UBR3: variants seen among roughly 807,000 people sequenced by gnomAD.
UBR3 encodes the protein E3 ubiquitin-protein ligase UBR3.
UBR3 carries 85 observed loss-of-function variants against 243.2 expected under a neutral mutation model. The ratio of observed to expected loss-of-function variants is 0.35; its 90% CI spans 0.29 to 0.42. UBR3 has a LOEUF of 0.42. Among genes scored for constraint, UBR3 ranks in the 10% least tolerant of loss-of-function variants. UBR3 has a pLI of 1.00. For missense variants in UBR3, 1,686 were observed against 2,300.8 expected (o/e 0.73, Z 5.47); for synonymous variants, 748 against 799.8 (o/e 0.94, Z 1.09).
At chr2:169,880,541 T>C (rs1348535780) in intron 5 of UBR3, among the ~76,000 whole-genome samples, 1 of 152,186 alleles carries the variant, frequency 6.6e-6, no homozygotes, top group Non-Finnish European at 1.5e-5. Context: ...AGACTTTCAT[T>C]GTACACAACT....
chr2:169,865,431 A>T (rs190634727), intron 1 of UBR3, among the ~76,000 whole-genome samples: 21 of 152,168 alleles, frequency 1.4e-4, no homozygotes, highest in African/African-American at 4.6e-4. Flanking sequence ...CCAGAGTTTG[A>T]TTTTTTTACT....
chr2:169,973,889 G>T (rs1024963206), intron 24 of UBR3, among the ~76,000 whole-genome samples: 1 of 152,074 alleles, frequency 6.6e-6, no homozygotes, highest in Non-Finnish European at 1.5e-5. Flanking sequence ...CTAGTTTGTT[G>T]AGGGTTATCA....
At chr2:170,080,952 G>T (rs187827797) in intron 38 of UBR3, among the ~76,000 whole-genome samples, 62 of 152,236 alleles carry the variant, frequency 4.1e-4, no homozygotes, top group African/African-American at 1.3e-3. Flanking sequence ...CAGCACTTTG[G>T]GAGGCTGAAG....
In UBR3 at chr2:169,827,459, C is replaced by A. The variant is rs552335299; in HGVS notation, c.-49C>A. ...TCGCAGCAGTCTATTCCCTCACTCTCCCTGGAGGAGCCGCTGGCCCTGGAC... is the reference window on the plus strand; with the variant it reads ...TCGCAGCAGTCTATTCCCTCACTCTACCTGGAGGAGCCGCTGGCCCTGGAC... On this transcript the variant is annotated 5_prime_UTR_variant, in exon 1 of 39. Coordinates refer to ENST00000272793, the MANE Select transcript of UBR3 (RefSeq NM_172070.4). 1.6e-6 allele frequency: 2 copies of A among 1,217,902 alleles called. No homozygotes were observed. Among genetic ancestry groups the A allele is most frequent in the African/African-American group, 1.6e-5 (1 of 63,724 alleles). The allele number at this position is 1,217,902 out of a possible 1,614,324, so 75.4% of individuals were successfully genotyped here. A position where few individuals can be genotyped will look rare whatever the true frequency, so the allele number is the denominator to read the frequency against.
intron 32 of UBR3, among the ~76,000 whole-genome samples, chr2:170,053,910 G>A (rs776145469): frequency 5.9e-5 from 9 of 152,130 alleles, no homozygotes; most frequent in Non-Finnish European, 8.8e-5. Context: ...TATTAGCTTT[G>A]ATATCACAAG....
intron 18 of UBR3, among the ~76,000 whole-genome samples, chr2:169,932,429 T>C (rs966138281): frequency 1.3e-5 from 2 of 152,136 alleles, no homozygotes; most frequent in Admixed American, 6.6e-5. Context: ...GTACTTTTTT[T>C]GTTTAATACT....
chr2:169,994,470 A>G lies in UBR3; in HGVS notation c.3918+14A>G. 6.2e-7 allele frequency: 1 copy of G among 1,602,558 alleles called. No homozygotes were observed. The highest frequency in any genetic ancestry group is 8.5e-7 in the Non-Finnish European group (1 of 1,171,642). On this transcript the variant is annotated intron_variant, in intron 26 of 38. Transcript: ENST00000272793. ...TATTTTAAGGATGTAAGTACTCTTT[A>G]TAAAATAGTACTTTTGTCTGCCAAG... is the stretch of plus-strand genomic sequence containing the variant.
intron 30 of UBR3, among the ~76,000 whole-genome samples, chr2:170,025,678 A>C (rs2090510186): frequency 6.6e-6 from 1 of 152,120 alleles, no homozygotes; most frequent in Non-Finnish European, 1.5e-5. Context: ...CATTCTGTTG[A>C]GCAATTTAGG....
intron 32 of UBR3, among the ~76,000 whole-genome samples, chr2:170,049,735 T>C (rs2091173502): frequency 6.6e-6 from 1 of 152,180 alleles, no homozygotes; most frequent in South Asian, 2.1e-4. Context: ...TTCTCCGTGA[T>C]TCTGTTTTGA....
chr2:169,853,299 C>A (rs1196389109), intron 1 of UBR3, among the ~76,000 whole-genome samples: 2 of 152,186 alleles, frequency 1.3e-5, no homozygotes, highest in Non-Finnish European at 2.9e-5. Flanking sequence ...ACTGGTTTAT[C>A]TTTTACCAGT....
chr2:170,066,075 A>T (rs1371667547), intron 35 of UBR3, among the ~76,000 whole-genome samples: 1 of 152,060 alleles, frequency 6.6e-6, no homozygotes. Flanking sequence ...CATTAATCTT[A>T]GACATTTAGC....
At chr2:169,983,014 A>G (rs2088811832) in intron 24 of UBR3, among the ~76,000 whole-genome samples, 1 of 152,058 alleles carries the variant, frequency 6.6e-6, no homozygotes, top group African/African-American at 2.4e-5. Flanking sequence ...TGTGTGTTCC[A>G]TTTGGTCTCT....
chr2:169,828,842 A>G (rs991891693), intron 1 of UBR3, among the ~76,000 whole-genome samples: 2 of 152,302 alleles, frequency 1.3e-5, no homozygotes, highest in East Asian at 3.9e-4. Flanking sequence ...CTCTGTCTAA[A>G]AGGAGACAAC....
intron 18 of UBR3, among the ~76,000 whole-genome samples, chr2:169,932,076 A>ATTTTTTTTTTTTTTTTTTTTTT (rs140968517): frequency 2.1e-5 from 3 of 145,920 alleles, no homozygotes; most frequent in Non-Finnish European, 1.5e-5. Context: ...TAGCTCATTA[A>ATTTTTTTTTTTTTTTTTTTTTT]TTTTTTTTTT....
intron 11 of UBR3, among the ~76,000 whole-genome samples, chr2:169,916,115 T>C (rs1248408867): frequency 1.3e-5 from 2 of 152,150 alleles, no homozygotes; most frequent in African/African-American, 4.8e-5. Flanking sequence ...GGGGTATCAC[T>C]GCTCCCAGGA....
intron 29 of UBR3, among the ~76,000 whole-genome samples, chr2:170,012,993 C>T (rs2090129936): frequency 6.6e-6 from 1 of 152,042 alleles, no homozygotes; most frequent in African/African-American, 2.4e-5. Context: ...CAGTCTTTCT[C>T]ATCATTCTTT....
At chr2:170,075,209 AAAG>A (rs1318935497) in intron 36 of UBR3, among the ~76,000 whole-genome samples, 3 of 152,092 alleles carry the variant, frequency 2.0e-5, no homozygotes, top group Non-Finnish European at 2.9e-5. Context: ...TTTTAAAAAA[AAAG>A]GGAAATTCAA....
At position 170,082,832 on chromosome 2, in the gene UBR3, C is replaced by T. The variant is rs548768434; in HGVS notation, c.*989C>T. The T allele has an allele frequency of 1.6e-4, 24 of 152,222 alleles. No homozygotes were observed. The highest frequency in any genetic ancestry group is 4.6e-4 in the African/African-American group (19 of 41,492). The allele number at this position is 152,222 out of a possible 1,614,324, so 9.4% of individuals were successfully genotyped here. ...CAGTGTAATCACTACTATTTCTGCT[C>T]GGTTTCCTAAAAGGAAAAAAAAGGC... is the stretch of plus-strand genomic sequence containing the variant. On this transcript the variant is annotated 3_prime_UTR_variant, in exon 39 of 39. Transcript: ENST00000272793.
intron 19 of UBR3, among the ~76,000 whole-genome samples, chr2:169,938,463 G>A (rs2086434916): frequency 6.6e-6 from 1 of 151,616 alleles, no homozygotes. Flanking sequence ...GTCTCTACAT[G>A]TGTTGCCCAG....
Sources: gnomAD v4.1 joint callset for allele counts (sites outside exome capture counted in the v4.1 genomes callset) on GRCh38, gnomAD v4.1.1 for gene constraint, MANE v1.5 for transcripts, NCBI Gene and HGNC (gene_info 2026-07-23, HGNC 2026-07-21) for gene names.